CREB5: variants seen among roughly 807,000 people sequenced by gnomAD.
The protein encoded by CREB5 is cAMP responsive element binding protein 5, also known as cyclic AMP-responsive element-binding protein 5.
CREB5 carries 19 observed loss-of-function variants against 57.1 expected under a neutral mutation model. The observed-to-expected ratio is 0.33, with a 90% confidence interval of 0.23 to 0.49. The LOEUF (loss-of-function observed/expected upper bound fraction) is 0.49. Among genes scored for constraint, CREB5 ranks in the 20% least tolerant of loss-of-function variants. The probability of loss-of-function intolerance (pLI) is 0.99; values close to 1 mark genes in which losing one functional copy is unlikely to be tolerated. For synonymous variants in CREB5, 238 were observed against 238.3 expected (o/e 1.00, Z 0.01); for missense variants, 579 against 671.6 (o/e 0.86, Z 1.52).
chr7:28,316,319 T>C (rs1785379160), intron 1 of CREB5, among the ~76,000 whole-genome samples: 1 of 152,016 alleles, frequency 6.6e-6, no homozygotes, highest in Non-Finnish European at 1.5e-5. Flanking sequence ...TTGGAGTCAT[T>C]GGAGCCAGGG....
chr7:28,402,396 G>A (rs1432063704), intron 1 of CREB5, among the ~76,000 whole-genome samples: 1 of 152,150 alleles, frequency 6.6e-6, no homozygotes, highest in Non-Finnish European at 1.5e-5. Flanking sequence ...AAAGCTGGAG[G>A]CATCACGCTA....
chr7:28,680,601 T>C (rs1800539283), intron 5 of CREB5, among the ~76,000 whole-genome samples: 1 of 151,898 alleles, frequency 6.6e-6, no homozygotes, highest in Non-Finnish European at 1.5e-5. Flanking sequence ...CTACAAAATG[T>C]AAACAAAATT....
intron 1 of CREB5, among the ~76,000 whole-genome samples, chr7:28,485,272 T>C (rs1470753676): frequency 1.3e-5 from 2 of 152,140 alleles, no homozygotes; most frequent in Non-Finnish European, 2.9e-5. Context: ...ATTGTTATCA[T>C]TAATGACCAC....
intron 4 of CREB5, among the ~76,000 whole-genome samples, chr7:28,516,592 C>A (rs763871701): frequency 7.9e-5 from 12 of 152,180 alleles, no homozygotes; most frequent in Non-Finnish European, 1.6e-4. Flanking sequence ...CATCAGGCAG[C>A]CTTACTGCAG....
intron 5 of CREB5, among the ~76,000 whole-genome samples, chr7:28,616,547 A>G (rs1243688498): frequency 6.6e-6 from 1 of 152,140 alleles, no homozygotes; most frequent in Middle Eastern, 3.2e-3. Flanking sequence ...TGAGCAGCAG[A>G]AAAACTCCAG....
At chr7:28,402,487 T>A (rs1477111905) in intron 1 of CREB5, among the ~76,000 whole-genome samples, 3 of 152,004 alleles carry the variant, frequency 2.0e-5, no homozygotes, top group Admixed American at 6.6e-5. Context: ...TATAGACAAA[T>A]GGAACAGAAC....
intron 1 of CREB5, among the ~76,000 whole-genome samples, chr7:28,427,599 C>T (rs1449542891): frequency 6.6e-6 from 1 of 151,984 alleles, no homozygotes; most frequent in Non-Finnish European, 1.5e-5. Flanking sequence ...CTCTGCCCTT[C>T]CTCCTCTCAA....
intron 1 of CREB5, among the ~76,000 whole-genome samples, chr7:28,450,012 T>A (rs534855842): frequency 6.6e-6 from 1 of 152,316 alleles, no homozygotes; most frequent in Admixed American, 6.5e-5. Flanking sequence ...TGAGATCGAA[T>A]CTTTGGACCT....
intron 2 of CREB5, 69 bp downstream of exon 2, chr7:28,488,315 C>G: frequency 7.0e-7 from 1 of 1,421,226 alleles, no homozygotes; most frequent in Admixed American, 1.7e-5. Flanking sequence ...AACTCTCACC[C>G]GGCAATCATG....
chr7:28,781,126 G>A (rs533503954), intron 7 of CREB5, among the ~76,000 whole-genome samples: 1 of 152,304 alleles, frequency 6.6e-6, no homozygotes, highest in South Asian at 2.1e-4. Flanking sequence ...CCAGACTGTA[G>A]CTAAGTCGAC....
upstream of CREB5, chr7:28,409,919 T>C: frequency 4.4e-6 from 2 of 454,278 alleles, no homozygotes; most frequent in Non-Finnish European, 8.8e-6. This position sits in a 1 kb window ranked among gnomAD's most constrained non-coding sequence, Gnocchi z 4.4. Flanking sequence ...TGCGGAGCCC[T>C]CCAGAAGTGC....
chr7:28,513,225 G>A (rs1347893527), intron 4 of CREB5, among the ~76,000 whole-genome samples: 1 of 152,202 alleles, frequency 6.6e-6, no homozygotes, highest in Non-Finnish European at 1.5e-5. Context: ...GGTGCTGGAT[G>A]GAAAATAAAA....
chr7:28,411,597 A>G (rs983435642), upstream of CREB5, among the ~76,000 whole-genome samples: 1 of 152,070 alleles, frequency 6.6e-6, no homozygotes, highest in African/African-American at 2.4e-5. Flanking sequence ...GTGCAGCAGA[A>G]ATTAAATTTA....
At chr7:28,590,714 C>T (rs1796478296) in intron 5 of CREB5, among the ~76,000 whole-genome samples, 1 of 147,792 alleles carries the variant, frequency 6.8e-6, no homozygotes, top group Non-Finnish European at 1.5e-5. Context: ...TAATAAAAAC[C>T]CAAACTGAAA....
At chr7:28,655,511 TGAG>T (rs974367037) in intron 5 of CREB5, among the ~76,000 whole-genome samples, 2 of 152,026 alleles carry the variant, frequency 1.3e-5, no homozygotes, top group African/African-American at 2.4e-5. Flanking sequence ...CTCAGGAAGC[TGAG>T]GAGAGAGAGA....
At chr7:28,698,936 C>T (rs1801708372) in intron 5 of CREB5, among the ~76,000 whole-genome samples, 1 of 152,174 alleles carries the variant, frequency 6.6e-6, no homozygotes, top group African/African-American at 2.4e-5. Flanking sequence ...TTTTTACTAG[C>T]TATGCCTTTT....
At chr7:28,316,264 G>A (rs1337677753) in intron 1 of CREB5, among the ~76,000 whole-genome samples, 1 of 152,116 alleles carries the variant, frequency 6.6e-6, no homozygotes, top group Non-Finnish European at 1.5e-5. Flanking sequence ...AAATCTGTCA[G>A]TGGGTGATTT....
Position 28,821,567 on chromosome 7 carries a change from C to T in CREB5, c.*2288C>T, listed in dbSNP as rs1221791779. 6.6e-6 allele frequency: 1 copy of T among 151,816 alleles called. No homozygotes were observed. Among genetic ancestry groups the T allele is most frequent in the Non-Finnish European group, 1.5e-5 (1 of 67,956 alleles). 9.4% of individuals were successfully genotyped at this position (151,816 alleles called of 1,614,324 possible). ...ATATCATTTTCGAGTATTTTAAATA[C>T]TGAATTCATAGTTGTTGTTTTTTAA... On this transcript the variant is annotated 3_prime_UTR_variant, in exon 11 of 11. Transcript: ENST00000357727.
At chr7:28,666,014 C>A (rs935973961) in intron 5 of CREB5, among the ~76,000 whole-genome samples, 5 of 152,108 alleles carry the variant, frequency 3.3e-5, no homozygotes, top group African/African-American at 1.2e-4. Flanking sequence ...TAAGAAAAAT[C>A]TATTTTTTGC....
Sources: gnomAD v4.1 joint callset for allele counts (sites outside exome capture counted in the v4.1 genomes callset) on GRCh38, gnomAD v4.1.1 for gene constraint, Gnocchi (gnomAD v3.1) non-coding constraint, MANE v1.5 for transcripts, NCBI Gene and HGNC (gene_info 2026-07-23, HGNC 2026-07-21) for gene names.